Variants in NNMT observed in about 807,000 individuals in gnomAD.
NNMT encodes nicotinamide N-methyltransferase.
NNMT carries 10 observed loss-of-function variants against 11.7 expected under a neutral mutation model. The ratio of observed to expected loss-of-function variants is 0.85; its 90% CI spans 0.53 to 1.45. NNMT has a LOEUF of 1.45. Among genes scored for constraint, NNMT ranks in the 40% most tolerant of loss-of-function variants. NNMT has a pLI of 0.00. For missense variants in NNMT, 381 were observed against 319.4 expected (o/e 1.19, Z -1.47); for synonymous variants, 143 against 133.8 (o/e 1.07, Z -0.48).
At chr11:114,274,810 C>G (rs1286759748) in intron 2 of NNMT, among the ~76,000 whole-genome samples, 1 of 152,208 alleles carries the variant, frequency 6.6e-6, no homozygotes, top group African/African-American at 2.4e-5. Context: ...GGCAACCGTT[C>G]TGACTGGTCA....
At chr11:114,277,742 C>G (rs181382787) in intron 2 of NNMT, among the ~76,000 whole-genome samples, 1 of 152,276 alleles carries the variant, frequency 6.6e-6, no homozygotes, top group East Asian at 1.9e-4. Flanking sequence ...TCCAAGCCAG[C>G]AGAGAGGACC....
intron 1 of NNMT, among the ~76,000 whole-genome samples, chr11:114,261,889 G>A (rs1945086048): frequency 6.6e-6 from 1 of 152,120 alleles, no homozygotes; most frequent in South Asian, 2.1e-4. Flanking sequence ...CTAACCCCAG[G>A]GATACGCGAG....
chr11:114,306,175 T>C (rs1945490561), intron 2 of NNMT, among the ~76,000 whole-genome samples: 1 of 152,200 alleles, frequency 6.6e-6, no homozygotes, highest in South Asian at 2.1e-4. Context: ...TCATATCCTT[T>C]GCCCACTTTT....
At chr11:114,259,358 GA>G (rs199642529) in intron 1 of NNMT, among the ~76,000 whole-genome samples, 8,124 of 148,800 alleles carry the variant, frequency 0.055, 1,112 homozygotes, top group African/African-American at 0.16. Context: ...GGGGGGGGGG[GA>G]GCTCCTGCAT....
rs75674085 is a variant in NNMT, at chr11:114,268,307, C to T, written c.-130+5373C>T. On this transcript the variant is annotated intron_variant, in intron 2 of 4. Transcript: ENST00000535401. ...GTACCTTTTGTTTTAGTCCTTTTTC[C>T]AGCCTCTCCCAGCTAGGCAGAACAT... Among the ~76,000 whole-genome samples the T allele has an allele frequency of 3.3e-5, 5 of 152,228 alleles. No individual in the cohort carries two copies. The South Asian group carries it at 6.2e-4, about 19-fold the overall frequency.
At chr11:114,307,712 C>G (rs770660968) in intron 2 of NNMT, among the ~76,000 whole-genome samples, 7 of 152,254 alleles carry the variant, frequency 4.6e-5, no homozygotes, top group Middle Eastern at 3.4e-3. Flanking sequence ...CACGTTGGCT[C>G]TCTCCTCCTG....
intron 2 of NNMT, among the ~76,000 whole-genome samples, chr11:114,273,367 T>G (rs944863973): frequency 6.6e-6 from 1 of 152,182 alleles, no homozygotes; most frequent in Non-Finnish European, 1.5e-5. Context: ...CCTTGTTCAT[T>G]TTGGAAGCCC....
chr11:114,292,666 T>C (rs1945343157), upstream of NNMT, among the ~76,000 whole-genome samples: 1 of 152,190 alleles, frequency 6.6e-6, no homozygotes, highest in Non-Finnish European at 1.5e-5. Flanking sequence ...TGTGCATTTA[T>C]TTACTTATAA....
intron 2 of NNMT, among the ~76,000 whole-genome samples, chr11:114,271,063 C>T (rs577743005): frequency 6.6e-6 from 1 of 152,284 alleles, no homozygotes; most frequent in South Asian, 2.1e-4. Context: ...AGGCATGAAC[C>T]ACCATGCTCG....
intron 1 of NNMT, among the ~76,000 whole-genome samples, chr11:114,259,962 T>G (rs894712639): frequency 1.5e-4 from 23 of 152,154 alleles, no homozygotes; most frequent in African/African-American, 5.6e-4. Flanking sequence ...CCACCCTGAC[T>G]GAATCTCCAG....
upstream of NNMT, chr11:114,295,767 G>A (rs1303272133): frequency 6.6e-6 from 1 of 152,184 alleles, no homozygotes; most frequent in Admixed American, 6.5e-5. Context: ...AACTTTGAAA[G>A]AACTATCAGG....
At position 114,271,596 on chromosome 11, in the gene NNMT, T is replaced by G. The variant is rs546401629; in HGVS notation, c.-130+8662T>G. Among the ~76,000 whole-genome samples, 5 of 152,320 alleles carry G rather than the reference T, an allele frequency of 3.3e-5. No homozygotes were observed. The South Asian group carries it at 8.3e-4, about 25-fold the overall frequency. On this transcript the variant is annotated intron_variant, in intron 2 of 4. Coordinates refer to the NNMT transcript ENST00000535401. ...CAATTTTTTAGCCTCAAGCCAAGCATGCTCCAAATGCAACTCCTCGTTTCT... is the reference window on the plus strand; with the variant it reads ...CAATTTTTTAGCCTCAAGCCAAGCAGGCTCCAAATGCAACTCCTCGTTTCT...
intron 2 of NNMT, among the ~76,000 whole-genome samples, chr11:114,299,742 G>T (rs894690296): frequency 2.0e-5 from 3 of 150,846 alleles, no homozygotes; most frequent in African/African-American, 7.3e-5. Flanking sequence ...TTTGGTAAGT[G>T]GTACTTTTCA....
chr11:114,265,369 A>G (rs1945111845), intron 2 of NNMT, among the ~76,000 whole-genome samples: 1 of 151,822 alleles, frequency 6.6e-6, no homozygotes. Flanking sequence ...CCCTTCCCTC[A>G]CTGGCTGCTG....
chr11:114,271,680 T>C (rs1170734790), intron 2 of NNMT, among the ~76,000 whole-genome samples: 1 of 152,174 alleles, frequency 6.6e-6, no homozygotes, highest in Non-Finnish European at 1.5e-5. Context: ...GTTCCCTACT[T>C]TATGAATTAC....
Position 114,312,335 on chromosome 11 carries a change from G to A in NNMT, c.653G>A (p.Arg218Gln), listed in dbSNP as rs374692669. ...AAGTTCTCCAGCCTCCCCCTGGGCC[G>A]GGAGGCAGTAGAGGCTGCTGTGAAA... is the stretch of plus-strand genomic sequence containing the variant. The part of the protein sequence containing the change: ...EQKFSSLPLG[R>Q]EAVEAAVKEA... The change falls in exon 3 of 3, where the codon CGG becomes CAG. Residue 218 changes from arginine (R) to glutamine (Q), a missense_variant. By Grantham distance (43) the Arg-to-Gln change is conservative. Coordinates refer to ENST00000299964, the MANE Select transcript of NNMT (RefSeq NM_006169.3). 54 of 1,614,092 alleles carry A rather than the reference G, an allele frequency of 3.3e-5. No homozygotes were observed. Among genetic ancestry groups the A allele is most frequent in the Middle Eastern group, 1.6e-4 (1 of 6,082 alleles).
intron 2 of NNMT, among the ~76,000 whole-genome samples, chr11:114,280,167 G>A (rs1945249042): frequency 6.6e-6 from 1 of 152,194 alleles, no homozygotes; most frequent in Non-Finnish European, 1.5e-5. Context: ...GGGAAGGGAA[G>A]GGAAGGCAGA....
intron 2 of NNMT, among the ~76,000 whole-genome samples, chr11:114,311,748 G>A (rs966397489): frequency 7.9e-5 from 12 of 152,190 alleles, no homozygotes; most frequent in African/African-American, 2.7e-4. Flanking sequence ...ACTATACTAA[G>A]CAGTGAAGGA....
At chr11:114,265,864 C>T (rs1489248521) in intron 2 of NNMT, among the ~76,000 whole-genome samples, 2 of 152,116 alleles carry the variant, frequency 1.3e-5, no homozygotes, top group Non-Finnish European at 2.9e-5. Context: ...TTCTGCACCG[C>T]CAAGTCTCCT....
Sources: gnomAD v4.1 joint callset for allele counts (sites outside exome capture counted in the v4.1 genomes callset) on GRCh38, gnomAD v4.1.1 for gene constraint, MANE v1.5 for transcripts, NCBI Gene and HGNC (gene_info 2026-07-23, HGNC 2026-07-21) for gene names.